Variants in KCNMA1 observed in about 807,000 individuals in gnomAD.
The protein encoded by KCNMA1 is potassium calcium-activated channel subfamily M alpha 1, also known as Calcium-activated potassium channel subunit alpha-1.
A neutral mutation model predicts 140.0 loss-of-function variants in KCNMA1; 29 were observed. The ratio of observed to expected loss-of-function variants is 0.21; its 90% CI spans 0.15 to 0.28. The LOEUF is 0.28. Ranked by LOEUF, KCNMA1 falls within the 10% of genes least tolerant of loss-of-function variation. KCNMA1 has a pLI of 1.00. For synonymous variants in KCNMA1, 612 were observed against 611.9 expected, an observed-to-expected ratio of 1.00 and a Z score of 0.00; for missense variants, 880 against 1,602.2, an observed-to-expected ratio of 0.55 and a Z score of 7.70.
chr10:77,166,733 G>A (rs2098646851), intron 5 of KCNMA1, among the ~76,000 whole-genome samples: 1 of 152,112 alleles, frequency 6.6e-6, no homozygotes, highest in Admixed American at 6.5e-5. Context: ...CTTAATGTAG[G>A]AAAGATGAAG....
chr10:77,201,259 G>T (rs947900234), intron 3 of KCNMA1, among the ~76,000 whole-genome samples: 2 of 151,670 alleles, frequency 1.3e-5, no homozygotes, highest in Non-Finnish European at 3.0e-5. Context: ...TCAGAAACAG[G>T]AAAGTTCTGT....
At chr10:77,376,988 A>ATACATACATAC (rs1555258860) in intron 2 of KCNMA1, among the ~76,000 whole-genome samples, 25 of 35,210 alleles carry the variant, frequency 7.1e-4, no homozygotes, top group South Asian at 2.7e-3. Context: ...TACATACATA[A>ATACATACATAC]AAATGAAATG....
At chr10:77,471,891 A>G (rs111064118) in intron 1 of KCNMA1, among the ~76,000 whole-genome samples, 60,269 of 151,436 alleles carry the variant, frequency 0.4, 12,413 homozygotes, top group East Asian at 0.62. Context: ...ACATAAACAT[A>G]CAAGTGGTAT....
chr10:76,961,682 A>C (rs2071503779), intron 20 of KCNMA1, among the ~76,000 whole-genome samples: 1 of 152,148 alleles, frequency 6.6e-6, no homozygotes, highest in African/African-American at 2.4e-5. Context: ...AGCCACCACA[A>C]TCTTCAGCTA....
intron 1 of KCNMA1, among the ~76,000 whole-genome samples, chr10:77,440,147 G>GA (rs896987654): frequency 1.3e-5 from 2 of 151,674 alleles, no homozygotes; most frequent in African/African-American, 2.4e-5. Flanking sequence ...CACACCAAAG[G>GA]AAAAAAAACA....
chr10:76,883,542 C>T (rs907385863), downstream of KCNMA1, among the ~76,000 whole-genome samples: 4 of 152,104 alleles, frequency 2.6e-5, no homozygotes, highest in African/African-American at 4.8e-5. Context: ...AAGGCTTCAC[C>T]GTGCCTTCTG....
chr10:77,360,280 G>C (rs117125645), intron 2 of KCNMA1, among the ~76,000 whole-genome samples: 3,354 of 152,310 alleles, frequency 0.022, 40 homozygotes, highest in Middle Eastern at 0.034. Flanking sequence ...AGATCTCCCA[G>C]TGGAGCTGAT....
chr10:77,596,109 G>A (rs2080859350), intron 1 of KCNMA1, among the ~76,000 whole-genome samples: 1 of 152,154 alleles, frequency 6.6e-6, no homozygotes, highest in African/African-American at 2.4e-5. Context: ...CCCCAAACAT[G>A]TAATGTTCAC....
chr10:77,339,051 A>G (rs940039165), intron 2 of KCNMA1, among the ~76,000 whole-genome samples: 1 of 152,168 alleles, frequency 6.6e-6, no homozygotes, highest in Non-Finnish European at 1.5e-5. Context: ...ACCTTTATGT[A>G]TAAACACAGA....
intron 2 of KCNMA1, among the ~76,000 whole-genome samples, chr10:77,357,964 T>A (rs1268111183): frequency 2.0e-5 from 3 of 152,136 alleles, no homozygotes; most frequent in African/African-American, 7.2e-5. Context: ...CAAAATCAGC[T>A]TACAGTCAGA....
chr10:77,039,780 G>T (rs2094543308), intron 14 of KCNMA1, 143 bp from the exon 15 acceptor site: 1 of 690,302 alleles, frequency 1.4e-6, no homozygotes, highest in South Asian at 1.5e-5. Flanking sequence ...CACGGCCTCT[G>T]CACCCATATA....
At chr10:77,144,616 G>A (rs368902710) in intron 5 of KCNMA1, among the ~76,000 whole-genome samples, 2 of 152,158 alleles carry the variant, frequency 1.3e-5, no homozygotes, top group Non-Finnish European at 2.9e-5. Flanking sequence ...GAGATGGGCT[G>A]CCATGTTAGA....
At chr10:77,331,425 GC>G (rs2086383124) in intron 2 of KCNMA1, among the ~76,000 whole-genome samples, 1 of 152,182 alleles carries the variant, frequency 6.6e-6, no homozygotes, top group Non-Finnish European at 1.5e-5. Context: ...AGTAGGTAGA[GC>G]CAGTAAGGAT....
intron 24 of KCNMA1, chr10:76,914,128 C>A: frequency 6.5e-7 from 1 of 1,549,984 alleles, no homozygotes; most frequent in Non-Finnish European, 8.7e-7. Flanking sequence ...AGGCAACTTG[C>A]CCGGTTTAGC....
chr10:76,940,848 C>G (rs1447709989), intron 23 of KCNMA1, among the ~76,000 whole-genome samples: 1 of 151,150 alleles, frequency 6.6e-6, no homozygotes, highest in African/African-American at 2.4e-5. Flanking sequence ...GTAATCCCAG[C>G]TACTTGGGAG....
chr10:77,457,755 AAAGGCCAATCTG>A (rs1263104541), intron 1 of KCNMA1, among the ~76,000 whole-genome samples: 2 of 152,070 alleles, frequency 1.3e-5, no homozygotes, highest in East Asian at 3.9e-4. Context: ...AGCTTCCTGG[AAAGGCCAATCTG>A]AGCTGAATTA....
intron 25 of KCNMA1, chr10:76,902,912 A>G (rs112173747): frequency 6.6e-6 from 1 of 152,360 alleles, no homozygotes; most frequent in Non-Finnish European, 1.5e-5. Context: ...AGAACCATCA[A>G]CTAGCAATGC....
At chr10:76,990,507 G>A (rs945970160) in intron 19 of KCNMA1, among the ~76,000 whole-genome samples, 10 of 152,284 alleles carry the variant, frequency 6.6e-5, no homozygotes, top group African/African-American at 2.2e-4. Flanking sequence ...GTTTGTGAAG[G>A]AGCAGTGTTT....
intron 1 of KCNMA1, among the ~76,000 whole-genome samples, chr10:77,504,366 C>T (rs1168188333): frequency 1.3e-5 from 2 of 152,138 alleles, no homozygotes; most frequent in Non-Finnish European, 2.9e-5. Flanking sequence ...ATAGTCTACA[C>T]CCTGCAGAGG....
Sources: gnomAD v4.1 joint callset for allele counts (sites outside exome capture counted in the v4.1 genomes callset) on GRCh38, gnomAD v4.1.1 for gene constraint, MANE v1.5 for transcripts, NCBI Gene and HGNC (gene_info 2026-07-23, HGNC 2026-07-21) for gene names.